OPHN1: variants seen among roughly 807,000 people sequenced by gnomAD.
OPHN1 encodes the protein oligophrenin-1.
A neutral mutation model predicts 60.7 loss-of-function variants in OPHN1; 11 were observed. The ratio of observed to expected loss-of-function variants is 0.18; its 90% CI spans 0.11 to 0.30. The LOEUF is 0.30. Among genes scored for constraint, OPHN1 ranks in the 10% least tolerant of loss-of-function variants. OPHN1 has a pLI of 1.00. For synonymous variants in OPHN1, 226 were observed against 222.6 expected (o/e 1.02, Z -0.14); for missense variants, 449 against 611.0 (o/e 0.73, Z 2.80).
intron 15 of OPHN1, among the ~76,000 whole-genome samples, chrX:68,136,601 C>T (rs985088361): frequency 9.0e-6 from 1 of 111,498 alleles, no homozygotes; most frequent in Non-Finnish European, 1.9e-5. Context: ...CCGCGCTTGG[C>T]CTAGTGTCAA....
In OPHN1 at chrX:68,090,370, T is replaced by G. The variant is rs140175019; in HGVS notation, c.1686+6500A>C. The stretch of plus-strand genomic sequence containing the variant: ...ATAAAGTATAACTATATATTTACAT[T>G]TACTTATATTTTAAAATATCTATCT... On this transcript the variant is annotated intron_variant, in intron 19 of 24. Coordinates refer to ENST00000355520, the MANE Select transcript of OPHN1 (RefSeq NM_002547.3). 4.8e-3 allele frequency among the ~76,000 whole-genome samples: 529 copies of G among 110,479 alleles called. 2 individuals are homozygous for G. Among genetic ancestry groups the G allele is most frequent in the African/African-American group, 0.017 (512 of 30,455 alleles).
chrX:68,234,710 G>GA (rs1371517391), intron 5 of OPHN1, 122 bp from the exon 6 acceptor site: 47 of 536,793 alleles, frequency 8.8e-5, no homozygotes, highest in African/African-American at 2.1e-4. Flanking sequence ...CTCCTGGAAG[G>GA]AAAAAAAAGC....
At chrX:68,165,621 T>C (rs2077354508) in intron 15 of OPHN1, among the ~76,000 whole-genome samples, 1 of 112,008 alleles carries the variant, frequency 8.9e-6, no homozygotes, top group South Asian at 3.7e-4. Flanking sequence ...TTTGAAATAT[T>C]CCAAGATTTA....
chrX:68,091,163 T>A (rs1284989959), intron 19 of OPHN1, among the ~76,000 whole-genome samples: 9 of 111,347 alleles, frequency 8.1e-5, no homozygotes, highest in African/African-American at 2.9e-4. Context: ...ACTCAATGCC[T>A]CCATTTCCTA....
intron 12 of OPHN1, among the ~76,000 whole-genome samples, chrX:68,196,268 T>C (rs1222736511): frequency 8.9e-6 from 1 of 112,544 alleles, no homozygotes; most frequent in East Asian, 2.8e-4. Flanking sequence ...AGACTGTATC[T>C]GAACACTGCT....
chrX:68,433,065 A>T, intron 1 of OPHN1, 41 bp from the exon 2 acceptor site: 1 of 1,143,526 alleles, frequency 8.7e-7, no homozygotes, highest in Non-Finnish European at 1.2e-6. Context: ...AGACACAAAG[A>T]CCGAGAGCAT....
intron 3 of OPHN1, among the ~76,000 whole-genome samples, chrX:68,293,002 T>C (rs1482426370): frequency 8.9e-6 from 1 of 112,318 alleles, no homozygotes; most frequent in Non-Finnish European, 1.9e-5. Flanking sequence ...AACTGACATA[T>C]GAGCTTAAGA....
chrX:68,213,453 A>G (rs928085455), intron 7 of OPHN1, among the ~76,000 whole-genome samples: 2 of 111,063 alleles, frequency 1.8e-5, no homozygotes, highest in African/African-American at 6.6e-5. Flanking sequence ...GACAGAAGTA[A>G]AAGTAGTAGA....
intron 2 of OPHN1, among the ~76,000 whole-genome samples, chrX:68,332,192 T>TAGAAAG (rs1373324879): frequency 1.8e-5 from 2 of 112,089 alleles, no homozygotes; most frequent in Non-Finnish European, 3.8e-5. Context: ...TGAAAATAAC[T>TAGAAAG]AGCTTTTTGC....
rs762679584 is a variant in OPHN1, at chrX:68,317,539, AAAAGAAAG to A, written c.155-18451_155-18444del. ...AGAGAGAAAGAAAGAAAGAAAGAAA[AAAAGAAAG>A]AAAGAAAGAAAGAAAGAAAGAAAGA... On this transcript the variant is annotated intron_variant, in intron 2 of 24. Transcript: ENST00000355520. 9.9e-3 allele frequency among the ~76,000 whole-genome samples: 583 copies of A among 58,906 alleles called. 4 individuals carry two copies. The highest frequency in any genetic ancestry group is 0.05 in the East Asian group (108 of 2,158). 51.2% of individuals were successfully genotyped at this position (58,906 alleles called of 115,157 possible). A position where few individuals can be genotyped will look rare whatever the true frequency, so the allele number is the denominator to read the frequency against.
intron 6 of OPHN1, among the ~76,000 whole-genome samples, chrX:68,220,485 G>C (rs1369000614): frequency 9.3e-6 from 1 of 107,178 alleles, no homozygotes; most frequent in Non-Finnish European, 1.9e-5. Flanking sequence ...CAAAAAAAGA[G>C]AATTTTAGAC....
At chrX:68,196,047 G>A (rs1002848372) in intron 12 of OPHN1, among the ~76,000 whole-genome samples, 1 of 112,135 alleles carries the variant, frequency 8.9e-6, no homozygotes, top group Non-Finnish European at 1.9e-5. Context: ...TTTCTGGAAG[G>A]TGACAGAAGG....
chrX:68,224,922 G>A (rs948151114), intron 6 of OPHN1, among the ~76,000 whole-genome samples: 2 of 112,167 alleles, frequency 1.8e-5, no homozygotes, highest in Non-Finnish European at 3.8e-5. Flanking sequence ...GCAGGGCAGG[G>A]CATCGCCTCA....
chrX:68,061,195 G>A (rs1175307046), intron 21 of OPHN1, among the ~76,000 whole-genome samples: 4 of 112,004 alleles, frequency 3.6e-5, no homozygotes, highest in South Asian at 7.5e-4. Flanking sequence ...AGGCAAAGCT[G>A]AGGCCCAGAT....
chrX:68,303,473 TC>T (rs770378725), intron 2 of OPHN1, among the ~76,000 whole-genome samples: 1 of 109,351 alleles, frequency 9.1e-6, no homozygotes, highest in East Asian at 2.9e-4. Flanking sequence ...ATGGTAAAAC[TC>T]CATCTCTACT....
chrX:68,165,849 A>G (rs1429349459), intron 15 of OPHN1, among the ~76,000 whole-genome samples: 1 of 112,580 alleles, frequency 8.9e-6, no homozygotes, highest in Admixed American at 9.4e-5. Flanking sequence ...GATGGTGTAA[A>G]CCAGGCATAA....
intron 15 of OPHN1, among the ~76,000 whole-genome samples, chrX:68,174,469 C>CTTTTT (rs767690922): frequency 1.3e-4 from 10 of 76,298 alleles, no homozygotes; most frequent in Non-Finnish European, 2.3e-4. Context: ...TTAACTTATT[C>CTTTTT]TTTTTTTTTT....
chrX:68,220,297 G>C (rs1383483632), intron 6 of OPHN1, among the ~76,000 whole-genome samples: 3 of 105,132 alleles, frequency 2.9e-5, no homozygotes, highest in African/African-American at 1.0e-4. Context: ...CAATAGCTTA[G>C]CAACCAAAAA....
chrX:68,089,610 G>A (rs2077008735), intron 19 of OPHN1, among the ~76,000 whole-genome samples: 2 of 111,468 alleles, frequency 1.8e-5, no homozygotes, highest in South Asian at 7.5e-4. Context: ...CCCAGCTAGA[G>A]AGAGAAAAAG....
Sources: gnomAD v4.1 joint callset for allele counts (sites outside exome capture counted in the v4.1 genomes callset) on GRCh38, gnomAD v4.1.1 for gene constraint, MANE v1.5 for transcripts, NCBI Gene and HGNC (gene_info 2026-07-23, HGNC 2026-07-21) for gene names.